DDX60L: variants seen among roughly 807,000 people sequenced by gnomAD.
DDX60L encodes the protein probable ATP-dependent RNA helicase DDX60-like.
DDX60L carries 191 observed loss-of-function variants against 211.6 expected under a neutral mutation model. That is an observed-to-expected ratio of 0.90 (90% CI 0.80 to 1.02). The LOEUF (loss-of-function observed/expected upper bound fraction) is 1.02, where lower values mean the gene tolerates loss of function less well. Ranked by LOEUF, DDX60L falls within the 50% of genes least tolerant of loss-of-function variation. The probability of loss-of-function intolerance (pLI) is 0.00; values close to 1 mark genes in which losing one functional copy is unlikely to be tolerated. For missense variants in DDX60L, 2,007 were observed against 1,984.1 expected (o/e 1.01, Z -0.22); for synonymous variants, 706 against 694.1 (o/e 1.02, Z -0.27).
At chr4:168,379,663 AGCATAGAAAGAAGTTTACAC>A in intron 31 of DDX60L, 43 bp downstream of exon 31, 1 of 1,371,146 alleles carries the variant, frequency 7.3e-7, no homozygotes, top group Non-Finnish European at 1.0e-6. Flanking sequence ...CAGTTGGTTT[AGCATAGAAAGAAGTTTACAC>A]GGTACTAGTT....
intron 22 of DDX60L, among the ~76,000 whole-genome samples, chr4:168,410,219 C>A (rs1029501369): frequency 2.6e-5 from 4 of 151,940 alleles, no homozygotes; most frequent in Non-Finnish European, 5.9e-5. Context: ...TACATATTAT[C>A]AGAAAAGAAG....
At chr4:168,371,903 T>G in intron 35 of DDX60L, 140 bp from the exon 36 acceptor site, 2 of 744,100 alleles carry the variant, frequency 2.7e-6, no homozygotes, top group Admixed American at 2.7e-5. Context: ...CAGAGGGGGA[T>G]TCCCATGGGG....
intron 36 of DDX60L, among the ~76,000 whole-genome samples, chr4:168,365,068 C>CA (rs1324691107): frequency 6.6e-6 from 1 of 151,912 alleles, no homozygotes; most frequent in African/African-American, 2.4e-5. Context: ...AGGCCTAAAT[C>CA]AAAAAAGAAG....
In DDX60L at chr4:168,379,742, T is replaced by C; in HGVS notation, c.4205A>G (p.Gln1402Arg). The stretch of plus-strand genomic sequence containing the variant: ...CGATGATACCTCTTTGATAAGGAGC[T>C]GCAAGGAAAACAAAAAGTAAAGTTT... The part of the protein sequence containing the change: ...TLKLYFLFSL[Q>R]LLIKEDYLNK... Residue 1402 changes from glutamine to arginine, a missense_variant, in exon 31 of 38, where the codon CAG becomes CGG. Physicochemically the swap from Gln to Arg is conservative, Grantham distance 43 (BLOSUM62 1). Coordinates refer to ENST00000682922, the MANE Select transcript of DDX60L (RefSeq NM_001012967.3). The C allele has an allele frequency of 6.2e-7, 1 of 1,612,836 alleles. No homozygotes were observed. The highest frequency in any genetic ancestry group is 8.5e-7 in the Non-Finnish European group (1 of 1,179,252).
intron 6 of DDX60L, among the ~76,000 whole-genome samples, chr4:168,456,871 T>C (rs1017569096): frequency 6.6e-6 from 1 of 152,114 alleles, no homozygotes; most frequent in Non-Finnish European, 1.5e-5. Flanking sequence ...GAAAAATTCT[T>C]AATGACAAGA....
intron 36 of DDX60L, among the ~76,000 whole-genome samples, chr4:168,369,491 A>AAACAAG (rs1740602016): frequency 6.6e-6 from 1 of 151,604 alleles, no homozygotes; most frequent in African/African-American, 2.4e-5. Context: ...AACAAAAAAA[A>AAACAAG]AAAAACAGCA....
chr4:168,449,637 C>CAAAAAAAAAAAAAAAAAAAAAAAA (rs59043240), intron 8 of DDX60L, among the ~76,000 whole-genome samples: 1 of 44,842 alleles, frequency 2.2e-5, no homozygotes, highest in Non-Finnish European at 3.7e-5. Flanking sequence ...AACATTAAAA[C>CAAAAAAAAAAAAAAAAAAAAAAAA]AAAAAAAAAA....
chr4:168,441,358 G>C lies in DDX60L; in HGVS notation c.1273C>G (p.Gln425Glu), dbSNP rs370285202. 1 of 1,609,004 alleles carries C rather than the reference G, an allele frequency of 6.2e-7. No individual in the cohort carries two copies. The change falls in exon 10 of 38, where the codon CAA (glutamine) becomes GAA (glutamate). Residue 425 changes from glutamine (Q) to glutamate (E), a missense_variant. Coordinates refer to ENST00000682922, the MANE Select transcript of DDX60L (RefSeq NM_001012967.3). ...LRTTRRHFLR[Q>E]EKSVIQEISL... ...GTACCTTGAATGACCGATTTCTCTT[G>C]TCTAAGAAAATGTCTTCTTGTTGTT...
At chr4:168,363,261 C>T (rs1211622470) in intron 36 of DDX60L, among the ~76,000 whole-genome samples, 1 of 152,148 alleles carries the variant, frequency 6.6e-6, no homozygotes, top group African/African-American at 2.4e-5. Context: ...CAAGCAAAAG[C>T]TGAGGAAATT....
At chr4:168,390,637 C>T (rs528941020) in intron 29 of DDX60L, 3 of 515,064 alleles carry the variant, frequency 5.8e-6, no homozygotes, top group Admixed American at 1.2e-4. Context: ...AGATTATTGT[C>T]AGTTTTTTTT....
intron 36 of DDX60L, among the ~76,000 whole-genome samples, chr4:168,368,754 C>T (rs1740435734): frequency 6.6e-6 from 1 of 152,236 alleles, no homozygotes; most frequent in Admixed American, 6.5e-5. Flanking sequence ...CCACCTCTTG[C>T]ATCAGCATGG....
rs753169880 is a variant in DDX60L at position 168,384,735 on chromosome 4, T to A, written c.3993A>T (p.Ile1331=). The part of the protein sequence containing the change: ...VYFFDIPLPK[I]KRLLASSVPE... ...GAACACTGGATGCAAGGAGTCTTTT[T>A]ATTTTGGGCAATGGGATATCAAAGA... The change falls in exon 30 of 38, where the codon ATA becomes ATT. Residue 1331 remains isoleucine, a synonymous_variant. Coordinates refer to ENST00000682922, the MANE Select transcript of DDX60L (RefSeq NM_001012967.3). The A allele has an allele frequency of 6.2e-7, 1 of 1,613,826 alleles. No individual in the cohort carries two copies. The highest frequency in any genetic ancestry group is 8.5e-7 in the Non-Finnish European group (1 of 1,179,914).
At chr4:168,420,217 T>C (rs969236294) in intron 18 of DDX60L, 44 bp downstream of exon 18, 1 of 1,439,900 alleles carries the variant, frequency 6.9e-7, no homozygotes, top group African/African-American at 1.5e-5. Flanking sequence ...ATATAAGTAC[T>C]GCTCTATAAT....
Position 168,454,758 on chromosome 4 carries a change from C to CTTTTTT in DDX60L, c.837+1275_837+1280dup, listed in dbSNP as rs767461447. 3.4e-3 allele frequency among the ~76,000 whole-genome samples: 304 copies of CTTTTTT among 88,608 alleles called. 33 individuals are homozygous for CTTTTTT. Among genetic ancestry groups the CTTTTTT allele is most frequent in the East Asian group, 4.5e-3 (12 of 2,684 alleles). The allele number at this position is 88,608 out of a possible 152,430, so 58.1% of individuals were successfully genotyped here. On this transcript the variant is annotated intron_variant, in intron 7 of 37. Coordinates refer to ENST00000682922, the MANE Select transcript of DDX60L (RefSeq NM_001012967.3). ...GTGCTCCCGAAGAGTAAACAGCTTCCTTTTTTTTTTTTTTTTTTTTTAGCA... is the reference window on the plus strand; with the variant it reads ...GTGCTCCCGAAGAGTAAACAGCTTCCTTTTTTTTTTTTTTTTTTTTTTTTTTTAGCA...
In DDX60L at chr4:168,416,743, T is replaced by C. The variant is rs1299669615; in HGVS notation, c.2665A>G (p.Ile889Val). 2.5e-6 allele frequency: 4 copies of C among 1,609,070 alleles called. No individual in the cohort carries two copies. Among genetic ancestry groups the C allele is most frequent in the African/African-American group, 2.7e-5 (2 of 74,578 alleles). The stretch of plus-strand genomic sequence containing the variant: ...AGAACCAAAAAGGGACATCGAATAA[T>C]GACAAGGAGGAGCTCCCAAAATTTT... ...GAKFWELLLV[I>V]IRCPFLVLSA... is the part of the protein sequence containing the mutation. Residue 889 changes from isoleucine (I) to valine (V), a missense_variant, in exon 20 of 38, where the codon ATT becomes GTT. By Grantham distance (29) the Ile-to-Val change is conservative. Transcript: ENST00000682922.
At chr4:168,449,174 C>T (rs564150646) in intron 8 of DDX60L, among the ~76,000 whole-genome samples, 1 of 152,098 alleles carries the variant, frequency 6.6e-6, no homozygotes, top group Non-Finnish European at 1.5e-5. Context: ...ACCCCCACTA[C>T]ACCCCTGGTG....
At chr4:168,405,590 T>G (rs1305912423) in intron 24 of DDX60L, among the ~76,000 whole-genome samples, 1 of 152,228 alleles carries the variant, frequency 6.6e-6, no homozygotes, top group African/African-American at 2.4e-5. Flanking sequence ...GATTAGCCCC[T>G]GTACTAATTC....
chr4:168,374,873 A>C (rs192120941), intron 34 of DDX60L, among the ~76,000 whole-genome samples: 1 of 152,202 alleles, frequency 6.6e-6, no homozygotes, highest in East Asian at 1.9e-4. Flanking sequence ...TTCATTTTAC[A>C]GATTAAAAAA....
rs377560011 is a variant in DDX60L, at chr4:168,422,506, A to G, written c.2244+18T>C. ...GAAGTCACACTGATTAGAAAAGTACAATGTTTGTTGTCATTACCTGCCATG... is the reference window on the plus strand; with the variant it reads ...GAAGTCACACTGATTAGAAAAGTACGATGTTTGTTGTCATTACCTGCCATG... On this transcript the variant is annotated intron_variant, in intron 16 of 37. Coordinates refer to ENST00000682922, the MANE Select transcript of DDX60L (RefSeq NM_001012967.3). The G allele has an allele frequency of 3.1e-6, 5 of 1,598,988 alleles. No individual in the cohort carries two copies. The African/African-American group carries it at 6.7e-5, about 22-fold the overall frequency.
Sources: gnomAD v4.1 joint callset for allele counts (sites outside exome capture counted in the v4.1 genomes callset) on GRCh38, gnomAD v4.1.1 for gene constraint, MANE v1.5 for transcripts, NCBI Gene and HGNC (gene_info 2026-07-23, HGNC 2026-07-21) for gene names.